Variants in DOCK2 observed in about 807,000 individuals in gnomAD.
The protein encoded by DOCK2 is dedicator of cytokinesis protein 2.
DOCK2 carries 87 observed loss-of-function variants against 248.9 expected under a neutral mutation model. The ratio of observed to expected loss-of-function variants is 0.35; its 90% CI spans 0.29 to 0.42. DOCK2 has a LOEUF of 0.42. Ranked by LOEUF, DOCK2 falls within the 10% of genes least tolerant of loss-of-function variation. The pLI, the probability that DOCK2 is intolerant of heterozygous loss-of-function variation, is 1.00. For synonymous variants in DOCK2, 805 were observed against 821.6 expected (o/e 0.98, Z 0.35); for missense variants, 1,747 against 2,300.2 (o/e 0.76, Z 4.92).
intron 22 of DOCK2, among the ~76,000 whole-genome samples, chr5:169,742,597 A>T (rs780336296): frequency 6.6e-6 from 1 of 152,184 alleles, no homozygotes. Context: ...TCCACCCCTG[A>T]TTCTCAAGGG....
chr5:169,757,637 G>A (rs1333304303), intron 23 of DOCK2, among the ~76,000 whole-genome samples: 1 of 152,082 alleles, frequency 6.6e-6, no homozygotes, highest in Admixed American at 6.6e-5. Flanking sequence ...ATCTTTCTAT[G>A]CAATGGAACA....
chr5:170,019,083 A>G lies in DOCK2; in HGVS notation c.3356A>G (p.Tyr1119Cys), dbSNP rs1755632990. 1.9e-6 allele frequency: 3 copies of G among 1,613,948 alleles called. No homozygotes were observed. Among genetic ancestry groups the G allele is most frequent in the African/African-American group, 1.3e-5 (1 of 74,910 alleles). Reference protein sequence around the residue: ...PIFFDMMLCEYQRSGDFKKFE... With the variant: ...PIFFDMMLCECQRSGDFKKFE... The stretch of plus-strand genomic sequence containing the variant: ...TTCTTCGACATGATGCTGTGTGAAT[A>G]TCAAAGAAGTGGGGATTTCAAAAAG... The change falls in exon 33 of 52, where the codon TAT becomes TGT. Residue 1119 changes from tyrosine to cysteine, a missense_variant. Around this residue, in one of 4 missense-constraint regions of DOCK2, gnomAD observed 858 missense variants for 1,183.5 expected, o/e 0.72. Transcript: ENST00000520908.
chr5:169,669,601 C>A (rs780982648), intron 3 of DOCK2, among the ~76,000 whole-genome samples: 11 of 152,158 alleles, frequency 7.2e-5, no homozygotes, highest in Non-Finnish European at 1.5e-4. Context: ...TTCCTCGAGT[C>A]TCTGTGGAAT....
chr5:169,803,063 C>T lies in DOCK2; in HGVS notation c.2560C>T (p.Arg854Trp), dbSNP rs948374520. The change falls in exon 26 of 52, where the codon CGG (arginine) becomes TGG (tryptophan). Residue 854 changes from arginine (R) to tryptophan (W), a missense_variant. Transcript: ENST00000520908. ...QSNLFKKQEC[R>W]DILLPVITKE... ...CTGAACTGTCTTTATTCCAGAATGC[C>T]GGGACATTCTGCTTCCTGTCATCAC... The T allele has an allele frequency of 1.9e-6, 3 of 1,613,982 alleles. No homozygotes were observed. Among genetic ancestry groups the T allele is most frequent in the Non-Finnish European group, 2.5e-6 (3 of 1,179,944 alleles).
chr5:169,785,879 C>CA (rs921878559), intron 25 of DOCK2, among the ~76,000 whole-genome samples: 2 of 151,392 alleles, frequency 1.3e-5, no homozygotes, highest in African/African-American at 2.4e-5. Flanking sequence ...AATCTGGTGA[C>CA]AAAAAAAAGA....
At chr5:169,886,598 G>T (rs1355650086) in intron 27 of DOCK2, among the ~76,000 whole-genome samples, 1 of 152,190 alleles carries the variant, frequency 6.6e-6, no homozygotes, top group African/African-American at 2.4e-5. Flanking sequence ...ACTGTTAAAT[G>T]CTATGTTAGC....
chr5:169,896,535 G>A (rs1339115955), intron 27 of DOCK2, among the ~76,000 whole-genome samples: 2 of 152,172 alleles, frequency 1.3e-5, no homozygotes, highest in Non-Finnish European at 1.5e-5. Context: ...TTAAGAAGCT[G>A]GCTGTAAGAT....
intron 7 of DOCK2, among the ~76,000 whole-genome samples, chr5:169,683,663 A>AT (rs940128808): frequency 2.7e-4 from 41 of 151,724 alleles, no homozygotes; most frequent in African/African-American, 6.5e-4. Flanking sequence ...TTTAATTTTC[A>AT]TTTTTTTTGA....
At chr5:170,077,254 T>C (rs961832988) in intron 47 of DOCK2, among the ~76,000 whole-genome samples, 3 of 152,160 alleles carry the variant, frequency 2.0e-5, no homozygotes, top group Admixed American at 2.0e-4. Flanking sequence ...ATTGGGGTTT[T>C]ATTATGTAGT....
chr5:170,033,031 G>A (rs1273809839), intron 34 of DOCK2, among the ~76,000 whole-genome samples: 2 of 152,160 alleles, frequency 1.3e-5, no homozygotes, highest in Admixed American at 1.3e-4. Flanking sequence ...CTGATACTGG[G>A]AAGGTCCTTT....
At chr5:169,971,018 C>T (rs1777484623) in intron 27 of DOCK2, among the ~76,000 whole-genome samples, 1 of 152,030 alleles carries the variant, frequency 6.6e-6, no homozygotes, top group Admixed American at 6.6e-5. Context: ...TGCGTTCATG[C>T]CAAGCTGCTG....
intron 26 of DOCK2, among the ~76,000 whole-genome samples, chr5:169,833,358 T>C (rs1163006971): frequency 6.6e-6 from 1 of 152,118 alleles, no homozygotes; most frequent in African/African-American, 2.4e-5. Context: ...GAAAACCTCC[T>C]GAAAAAATAG....
intron 26 of DOCK2, among the ~76,000 whole-genome samples, chr5:169,834,862 C>A (rs1359194863): frequency 2.6e-5 from 4 of 152,168 alleles, no homozygotes; most frequent in African/African-American, 9.7e-5. Context: ...TGAAAACAAG[C>A]AAACAGAAGC....
chr5:169,761,698 C>A, intron 25 of DOCK2, 73 bp downstream of exon 25: 1 of 1,252,382 alleles, frequency 8.0e-7, no homozygotes, highest in Non-Finnish European at 1.2e-6. Flanking sequence ...GGAAGCTTGG[C>A]AGGAGAGGGC....
intron 27 of DOCK2, among the ~76,000 whole-genome samples, chr5:169,911,968 A>G (rs186625766): frequency 2.6e-5 from 4 of 152,266 alleles, no homozygotes; most frequent in Non-Finnish European, 5.9e-5. Context: ...CTAGGTTGAA[A>G]TTGTTCTCTC....
chr5:170,063,101 G>C (rs943995435), intron 44 of DOCK2, among the ~76,000 whole-genome samples: 8 of 152,122 alleles, frequency 5.3e-5, no homozygotes, highest in African/African-American at 1.9e-4. Context: ...GAGCAGAGGG[G>C]ACTGGCATAT....
At chr5:169,755,340 T>A (rs1316841645) in intron 23 of DOCK2, among the ~76,000 whole-genome samples, 2 of 152,206 alleles carry the variant, frequency 1.3e-5, no homozygotes, top group Non-Finnish European at 2.9e-5. Flanking sequence ...GGTATATATA[T>A]GTATGTGTGT....
intron 36 of DOCK2, among the ~76,000 whole-genome samples, chr5:170,038,153 A>G (rs775815590): frequency 6.6e-6 from 1 of 152,140 alleles, no homozygotes; most frequent in Admixed American, 6.5e-5. Context: ...AAATTACTCA[A>G]TCTTTCTGGG....
rs557637832 is a variant in DOCK2, at chr5:169,931,846, T to C, written c.2800-51222T>C. On this transcript the variant is annotated intron_variant, in intron 27 of 51. Transcript: ENST00000520908. ...ATCCTTCCTCCAGGGATCATAGCCTTCTGAACTGCTTCCCTCCTGCCTGCC... is the reference window on the plus strand; with the variant it reads ...ATCCTTCCTCCAGGGATCATAGCCTCCTGAACTGCTTCCCTCCTGCCTGCC... Among the ~76,000 whole-genome samples, 8 of 152,328 alleles carry C rather than the reference T, an allele frequency of 5.3e-5. No homozygotes were observed. The East Asian group carries it at 1.5e-3, about 29-fold the overall frequency.
Sources: gnomAD v4.1 joint callset for allele counts (sites outside exome capture counted in the v4.1 genomes callset) on GRCh38, gnomAD v4.1.1 for gene constraint, gnomAD v4.1.1 regional missense constraint, MANE v1.5 for transcripts, NCBI Gene and HGNC (gene_info 2026-07-23, HGNC 2026-07-21) for gene names.